The following AGBL4 variants were observed in gnomAD, a reference collection of about 807,000 sequenced individuals.
AGBL4 encodes cytosolic carboxypeptidase 6.
Under a neutral mutation model 66.4 loss-of-function variants are expected in AGBL4, and 58 were observed. That is an observed-to-expected ratio of 0.87 (90% CI 0.71 to 1.09). AGBL4 has a LOEUF of 1.09. AGBL4 is among the 50% of genes least tolerant of loss of function. The probability of loss-of-function intolerance (pLI) is 0.00; values close to 1 mark genes in which losing one functional copy is unlikely to be tolerated. For synonymous variants in AGBL4, 234 were observed against 222.9 expected (o/e 1.05, Z -0.44); for missense variants, 579 against 631.0 (o/e 0.92, Z 0.88).
intron 5 of AGBL4, among the ~76,000 whole-genome samples, chr1:49,031,621 A>C (rs547130435): frequency 4.6e-5 from 7 of 152,248 alleles, no homozygotes; most frequent in Non-Finnish European, 8.8e-5. Context: ...CTTCAAAAAA[A>C]GATATATAGA....
intron 2 of AGBL4, among the ~76,000 whole-genome samples, chr1:49,759,564 T>C (rs1208040788): frequency 6.6e-6 from 1 of 152,214 alleles, no homozygotes; most frequent in Non-Finnish European, 1.5e-5. Context: ...AGTATCAATA[T>C]TGGTTCATTA....
At chr1:48,974,900 A>G (rs538816510) in intron 5 of AGBL4, among the ~76,000 whole-genome samples, 15 of 152,164 alleles carry the variant, frequency 9.9e-5, no homozygotes, top group Non-Finnish European at 1.9e-4. Flanking sequence ...TACCTTCCCT[A>G]TATTTTTGTA....
At chr1:49,223,041 A>G (rs1649624392) in intron 4 of AGBL4, among the ~76,000 whole-genome samples, 1 of 152,198 alleles carries the variant, frequency 6.6e-6, no homozygotes, top group Admixed American at 6.5e-5. Flanking sequence ...GGCAGGATCT[A>G]GTAGTCACAT....
At chr1:48,547,688 A>G (rs751493782) in intron 11 of AGBL4, among the ~76,000 whole-genome samples, 1 of 152,132 alleles carries the variant, frequency 6.6e-6, no homozygotes, top group Non-Finnish European at 1.5e-5. Flanking sequence ...AGTGTGTTCC[A>G]TTCTGCTCAG....
At chr1:49,433,018 A>C (rs1391282497) in intron 3 of AGBL4, among the ~76,000 whole-genome samples, 2 of 152,286 alleles carry the variant, frequency 1.3e-5, no homozygotes, top group Admixed American at 6.5e-5. Flanking sequence ...AAAAACCCAA[A>C]GGGACTTGGT....
chr1:49,989,367 G>C (rs553586983), intron 1 of AGBL4, among the ~76,000 whole-genome samples: 1 of 152,252 alleles, frequency 6.6e-6, no homozygotes, highest in African/African-American at 2.4e-5. Flanking sequence ...GCACCAATGA[G>C]GTAGGGTCTA....
rs139911012 is a variant in AGBL4 at position 49,688,167 on chromosome 1, C to T, written c.282+9146G>A. Among the ~76,000 whole-genome samples the T allele has an allele frequency of 3.8e-3, 586 of 152,290 alleles. 3 individuals carry two copies. Among genetic ancestry groups the T allele is most frequent in the Non-Finnish European group, 6.3e-3 (429 of 68,012 alleles). ...TAGCAAATACTAGGTCTTATTCATACTTTCTAACTATTATTATACCCACTT... is the reference window on the plus strand; with the variant it reads ...TAGCAAATACTAGGTCTTATTCATATTTTCTAACTATTATTATACCCACTT... On this transcript the variant is annotated intron_variant, in intron 3 of 13. Coordinates refer to ENST00000371839, the MANE Select transcript of AGBL4 (RefSeq NM_032785.4).
chr1:48,961,900 A>G (rs763845302), intron 5 of AGBL4, among the ~76,000 whole-genome samples: 2 of 152,194 alleles, frequency 1.3e-5, no homozygotes, highest in Non-Finnish European at 2.9e-5. Context: ...CAGCGGGGAA[A>G]GTACAGTCCT....
rs185449835 is a variant in AGBL4 at position 49,626,889 on chromosome 1, C to A, written c.282+70424G>T. On this transcript the variant is annotated intron_variant, in intron 3 of 13. Coordinates refer to ENST00000371839, the MANE Select transcript of AGBL4 (RefSeq NM_032785.4). ...CCTACTGGGTTATTTAGTGCCTCTT[C>A]CATGGTAGTTGTTTCCTGGAGGGCA... Among the ~76,000 whole-genome samples, 28 of 152,254 alleles carry A rather than the reference C, an allele frequency of 1.8e-4. No homozygotes were observed. In the East Asian group the frequency reaches 2.9e-3, roughly 16 times the overall value.
intron 1 of AGBL4, among the ~76,000 whole-genome samples, chr1:49,962,523 T>C (rs1302614629): frequency 6.6e-6 from 1 of 152,158 alleles, no homozygotes; most frequent in Non-Finnish European, 1.5e-5. Context: ...TCTTAGGGAA[T>C]CTTATATTGT....
At chr1:49,850,325 G>C (rs879646387) in intron 2 of AGBL4, among the ~76,000 whole-genome samples, 79 of 152,112 alleles carry the variant, frequency 5.2e-4, no homozygotes, top group Non-Finnish European at 1.0e-3. Flanking sequence ...TAGGAAGCTA[G>C]GGGGAGAAAC....
intron 6 of AGBL4, among the ~76,000 whole-genome samples, chr1:48,804,955 T>G (rs1645890083): frequency 6.6e-6 from 1 of 152,184 alleles, no homozygotes; most frequent in South Asian, 2.1e-4. Context: ...ATTAACAAAC[T>G]CTGGTTGGTT....
intron 6 of AGBL4, among the ~76,000 whole-genome samples, chr1:48,671,651 T>C (rs1370297832): frequency 6.6e-6 from 1 of 152,196 alleles, no homozygotes; most frequent in Non-Finnish European, 1.5e-5. Context: ...GCATAGTAAG[T>C]GTTCAAAAGG....
At chr1:49,127,913 C>G (rs1293521740) in intron 4 of AGBL4, among the ~76,000 whole-genome samples, 1 of 152,018 alleles carries the variant, frequency 6.6e-6, no homozygotes, top group Non-Finnish European at 1.5e-5. Flanking sequence ...ACAATGTAAA[C>G]TCTACAATGC....
intron 3 of AGBL4, among the ~76,000 whole-genome samples, chr1:49,465,206 TACATAC>T (rs1646601228): frequency 4.3e-5 from 3 of 69,074 alleles, no homozygotes; most frequent in Admixed American, 3.1e-4. Context: ...ACCCTACCCC[TACATAC>T]ACACACACAC....
At chr1:48,625,657 A>G (rs1645492067) in intron 9 of AGBL4, among the ~76,000 whole-genome samples, 1 of 152,184 alleles carries the variant, frequency 6.6e-6, no homozygotes, top group Non-Finnish European at 1.5e-5. Flanking sequence ...TGAGGCATAG[A>G]GAGTGTAATG....
intron 3 of AGBL4, among the ~76,000 whole-genome samples, chr1:49,305,979 C>G (rs1054597102): frequency 6.6e-6 from 1 of 152,122 alleles, no homozygotes; most frequent in Non-Finnish European, 1.5e-5. Flanking sequence ...CGTAAGCCAC[C>G]GTGCCTGGCC....
chr1:49,434,731 GGTGTGT>G (rs1160933829), intron 3 of AGBL4, among the ~76,000 whole-genome samples: 2 of 151,168 alleles, frequency 1.3e-5, no homozygotes, highest in Non-Finnish European at 3.0e-5. Context: ...TGGTGGTGGT[GGTGTGT>G]GTGTGACTAT....
chr1:48,813,344 T>G (rs946877644), intron 6 of AGBL4, among the ~76,000 whole-genome samples: 3 of 152,128 alleles, frequency 2.0e-5, no homozygotes, highest in Non-Finnish European at 4.4e-5. Flanking sequence ...TGAGATGAAC[T>G]GGCAGAAAAA....
Sources: gnomAD v4.1 joint callset for allele counts (sites outside exome capture counted in the v4.1 genomes callset) on GRCh38, gnomAD v4.1.1 for gene constraint, MANE v1.5 for transcripts, NCBI Gene and HGNC (gene_info 2026-07-23, HGNC 2026-07-21) for gene names.